Variants in ZNF804B observed in about 807,000 individuals in gnomAD.
ZNF804B encodes zinc finger 804B.
ZNF804B carries 80 observed loss-of-function variants against 101.4 expected under a neutral mutation model. The observed-to-expected ratio is 0.79, with a 90% confidence interval of 0.66 to 0.95. The LOEUF (loss-of-function observed/expected upper bound fraction) is 0.95, where lower values mean the gene tolerates loss of function less well. Among genes scored for constraint, ZNF804B ranks in the 40% least tolerant of loss-of-function variants. The pLI, the probability that ZNF804B is intolerant of heterozygous loss-of-function variation, is 0.00. For missense variants in ZNF804B, 1,673 were observed against 1,561.9 expected, an observed-to-expected ratio of 1.07 and a Z score of -1.20; for synonymous variants, 622 against 558.8, an observed-to-expected ratio of 1.11 and a Z score of -1.59.
chr7:89,029,566 A>G (rs1788801131), intron 1 of ZNF804B, among the ~76,000 whole-genome samples: 3 of 152,186 alleles, frequency 2.0e-5, no homozygotes, highest in South Asian at 2.1e-4. Flanking sequence ...TGTAAAATCA[A>G]TATAACTGTA....
chr7:88,890,920 A>G (rs1792205250), intron 1 of ZNF804B, among the ~76,000 whole-genome samples: 1 of 152,128 alleles, frequency 6.6e-6, no homozygotes, highest in Non-Finnish European at 1.5e-5. Flanking sequence ...TTCTGTGGTC[A>G]CTGTAAATAG....
At chr7:88,895,575 A>G (rs1792272576) in intron 1 of ZNF804B, among the ~76,000 whole-genome samples, 1 of 152,180 alleles carries the variant, frequency 6.6e-6, no homozygotes, top group African/African-American at 2.4e-5. Flanking sequence ...CTTGGTTTCT[A>G]ATACCATCCT....
intron 1 of ZNF804B, among the ~76,000 whole-genome samples, chr7:89,199,559 T>C (rs1788601153): frequency 6.6e-6 from 1 of 151,926 alleles, no homozygotes; most frequent in African/African-American, 2.4e-5. Context: ...TAGTTACACT[T>C]ACACATTCAT....
intron 2 of ZNF804B, among the ~76,000 whole-genome samples, chr7:89,279,533 C>G (rs1017947860): frequency 5.3e-5 from 8 of 151,746 alleles, no homozygotes; most frequent in Non-Finnish European, 1.0e-4. Flanking sequence ...CCCATCAATA[C>G]CTAATTTATT....
At chr7:89,254,227 A>G (rs566264372) in intron 2 of ZNF804B, among the ~76,000 whole-genome samples, 2 of 152,266 alleles carry the variant, frequency 1.3e-5, no homozygotes, top group South Asian at 4.1e-4. Context: ...ACATAAACTT[A>G]CTGATTATTA....
chr7:89,174,268 T>TAACC (rs1172534742), intron 1 of ZNF804B, among the ~76,000 whole-genome samples: 1 of 152,020 alleles, frequency 6.6e-6, no homozygotes, highest in Non-Finnish European at 1.5e-5. Flanking sequence ...CAGCCTCTGG[T>TAACC]AACCATCCTT....
intron 1 of ZNF804B, among the ~76,000 whole-genome samples, chr7:88,928,323 T>C (rs1792836138): frequency 6.6e-6 from 1 of 152,126 alleles, no homozygotes; most frequent in African/African-American, 2.4e-5. Flanking sequence ...GAGCTCTAAT[T>C]AGGAAAACTT....
intron 1 of ZNF804B, among the ~76,000 whole-genome samples, chr7:89,102,175 T>C (rs1297186151): frequency 6.6e-6 from 1 of 152,048 alleles, no homozygotes; most frequent in East Asian, 1.9e-4. Flanking sequence ...TTTCCTTTCC[T>C]TTGGGTAGAT....
chr7:89,219,980 C>CACACATAT lies in ZNF804B; in HGVS notation c.249+1686_249+1687insCACATATA, dbSNP rs1554380172. 2.0e-4 allele frequency among the ~76,000 whole-genome samples: 5 copies of CACACATAT among 25,238 alleles called. 1 individual carries two copies. In the South Asian group the frequency reaches 7.4e-3, roughly 37 times the overall value. 16.6% of individuals were successfully genotyped at this position (25,238 alleles called of 152,430 possible). A position where few individuals can be genotyped will look rare whatever the true frequency, so the allele number is the denominator to read the frequency against. ...ATATGTGTGCATATATATGTATATA[C>CACACATAT]ATATGTGTGCATATATGTATATGCA... On this transcript the variant is annotated intron_variant, in intron 2 of 3. Coordinates refer to ENST00000333190, the MANE Select transcript of ZNF804B (RefSeq NM_181646.5).
chr7:88,760,714 A>G (rs1038563117), intron 1 of ZNF804B, among the ~76,000 whole-genome samples: 2 of 151,744 alleles, frequency 1.3e-5, no homozygotes, highest in African/African-American at 4.8e-5. Flanking sequence ...TTAGTAAACT[A>G]TTCAATTTAG....
intron 1 of ZNF804B, among the ~76,000 whole-genome samples, chr7:89,007,157 T>C (rs926216670): frequency 3.3e-5 from 5 of 152,036 alleles, no homozygotes; most frequent in Admixed American, 3.3e-4. Context: ...AGAAGTTGCA[T>C]ATAATGGATG....
intron 1 of ZNF804B, among the ~76,000 whole-genome samples, chr7:88,917,402 T>A (rs1407821933): frequency 2.6e-5 from 4 of 152,216 alleles, no homozygotes; most frequent in African/African-American, 9.6e-5. Context: ...ATGTTGAAAC[T>A]AATGAAGAAT....
chr7:88,873,847 G>A (rs1791880496), intron 1 of ZNF804B, among the ~76,000 whole-genome samples: 1 of 152,132 alleles, frequency 6.6e-6, no homozygotes, highest in Admixed American at 6.5e-5. Context: ...TTTGGTACCA[G>A]TACCACACTG....
intron 1 of ZNF804B, among the ~76,000 whole-genome samples, chr7:89,038,279 A>C (rs1255445101): frequency 6.6e-6 from 1 of 152,130 alleles, no homozygotes; most frequent in Non-Finnish European, 1.5e-5. Context: ...TTACATTTCT[A>C]CCAACAGTGT....
At chr7:89,080,811 G>A (rs1268487467) in intron 1 of ZNF804B, among the ~76,000 whole-genome samples, 1 of 151,770 alleles carries the variant, frequency 6.6e-6, no homozygotes, top group African/African-American at 2.4e-5. Flanking sequence ...GTTAAAGCAG[G>A]GTGTTTTGAT....
At position 88,854,529 on chromosome 7, in the gene ZNF804B, T is replaced by C. The variant is rs868750819; in HGVS notation, c.108+94445T>C. ...TTCCTTTCCTTTCCTTTCCTTCCTT[T>C]CCTTCCTTCCTTCCTTCCTTCCTTC... On this transcript the variant is annotated intron_variant, in intron 1 of 3. Coordinates refer to ENST00000333190, the MANE Select transcript of ZNF804B (RefSeq NM_181646.5). 9.1e-3 allele frequency among the ~76,000 whole-genome samples: 522 copies of C among 57,678 alleles called. 7 individuals are homozygous for C. The highest frequency in any genetic ancestry group is 0.014 in the East Asian group (18 of 1,312). 37.8% of individuals were successfully genotyped at this position (57,678 alleles called of 152,430 possible).
chr7:88,861,728 C>G (rs1791649721), intron 1 of ZNF804B, among the ~76,000 whole-genome samples: 1 of 152,110 alleles, frequency 6.6e-6, no homozygotes, highest in South Asian at 2.1e-4. Flanking sequence ...TTTCAGTGTA[C>G]TTTCAAAATA....
chr7:88,822,409 T>A (rs536037816), intron 1 of ZNF804B, among the ~76,000 whole-genome samples: 2 of 152,348 alleles, frequency 1.3e-5, no homozygotes, highest in South Asian at 2.1e-4. Context: ...CTGTTTATAG[T>A]TATCGCTAAA....
intron 1 of ZNF804B, among the ~76,000 whole-genome samples, chr7:89,013,702 G>A (rs866225068): frequency 1.1e-4 from 17 of 152,022 alleles, no homozygotes; most frequent in Middle Eastern, 3.2e-3. Context: ...AGTCTAGACC[G>A]TTAGAACGTA....
Sources: allele counts gnomAD v4.1 joint callset (sites outside exome capture counted in the v4.1 genomes callset), GRCh38; gene constraint gnomAD v4.1.1; transcripts MANE v1.5; gene names NCBI Gene and HGNC (gene_info 2026-07-23, HGNC 2026-07-21).